NDUFS4: variants seen among roughly 807,000 people sequenced by gnomAD.
NDUFS4 encodes the protein NADH dehydrogenase [ubiquinone] iron-sulfur protein 4, mitochondrial.
NDUFS4 carries 28 observed loss-of-function variants against 24.3 expected under a neutral mutation model. That is an observed-to-expected ratio of 1.15 (90% CI 0.85 to 1.58). The LOEUF (loss-of-function observed/expected upper bound fraction) is 1.58. NDUFS4 is among the 40% of genes most tolerant of loss of function. The pLI is 0.00. For synonymous variants in NDUFS4, 93 were observed against 69.7 expected, an observed-to-expected ratio of 1.34 and a Z score of -1.67; for missense variants, 223 against 207.9, an observed-to-expected ratio of 1.07 and a Z score of -0.45.
At chr5:53,680,375 A>G (rs1311773810) in intron 4 of NDUFS4, among the ~76,000 whole-genome samples, 1 of 152,198 alleles carries the variant, frequency 6.6e-6, no homozygotes, top group African/African-American at 2.4e-5. Flanking sequence ...TCATGCTGCT[A>G]TAAAGACACA....
chr5:53,644,031 A>T (rs1031766101), intron 2 of NDUFS4, among the ~76,000 whole-genome samples: 2 of 152,208 alleles, frequency 1.3e-5, no homozygotes, highest in African/African-American at 2.4e-5. Flanking sequence ...AAGGTTTTCT[A>T]TATACTGTCC....
intron 3 of NDUFS4, among the ~76,000 whole-genome samples, chr5:53,654,772 C>A (rs931027550): frequency 7.2e-5 from 11 of 152,092 alleles, no homozygotes; most frequent in African/African-American, 2.7e-4. Context: ...TTCACCAATA[C>A]CTTTTATGCA....
intron 3 of NDUFS4, among the ~76,000 whole-genome samples, chr5:53,655,457 A>G (rs1478553184): frequency 1.4e-5 from 2 of 146,864 alleles, no homozygotes; most frequent in South Asian, 2.1e-4. Context: ...AGATTCATCC[A>G]TTCCATGCTA....
chr5:53,641,020 T>C (rs1295234719), intron 2 of NDUFS4, among the ~76,000 whole-genome samples: 1 of 152,128 alleles, frequency 6.6e-6, no homozygotes, highest in Non-Finnish European at 1.5e-5. Flanking sequence ...ATGTTTGTTA[T>C]TTTCTTGAGG....
chr5:53,589,115 C>T (rs986860517), intron 1 of NDUFS4, among the ~76,000 whole-genome samples: 1 of 152,120 alleles, frequency 6.6e-6, no homozygotes, highest in Non-Finnish European at 1.5e-5. Flanking sequence ...TTATTCTGCC[C>T]TTAAAGACCA....
intron 4 of NDUFS4, among the ~76,000 whole-genome samples, chr5:53,681,654 G>A (rs1341835257): frequency 6.6e-6 from 1 of 152,086 alleles, no homozygotes; most frequent in East Asian, 1.9e-4. Flanking sequence ...TGTTGAACAA[G>A]TAAATTAATA....
intron 2 of NDUFS4, among the ~76,000 whole-genome samples, chr5:53,639,381 A>T (rs1203937336): frequency 6.6e-6 from 1 of 151,896 alleles, no homozygotes; most frequent in African/African-American, 2.4e-5. Flanking sequence ...ATAGTGTATA[A>T]AAGCAATATT....
chr5:53,646,550 A>G, intron 3 of NDUFS4, 145 bp downstream of exon 3: 2 of 780,868 alleles, frequency 2.6e-6, no homozygotes, highest in Non-Finnish European at 4.2e-6. Flanking sequence ...GTGCTCAAAG[A>G]TACACATTAT....
At position 53,668,772 on chromosome 5, in the gene NDUFS4, A is replaced by G. The variant is rs1752589544; in HGVS notation, c.424+10148A>G. Among the ~76,000 whole-genome samples, 3 of 152,124 alleles carry G rather than the reference A, an allele frequency of 2.0e-5. No individual in the cohort carries two copies. The South Asian group carries it at 6.2e-4, about 32-fold the overall frequency. On this transcript the variant is annotated intron_variant, in intron 4 of 4. Coordinates refer to ENST00000296684, the MANE Select transcript of NDUFS4 (RefSeq NM_002495.4). Reference sequence around the variant, plus strand: ...CACTGCACCCAGCCTTACAAAACATATTTAATGCCCTCTAATTATATTTTG... The same window carrying G: ...CACTGCACCCAGCCTTACAAAACATGTTTAATGCCCTCTAATTATATTTTG...
At chr5:53,673,658 C>T (rs1156974872) in intron 4 of NDUFS4, among the ~76,000 whole-genome samples, 1 of 152,120 alleles carries the variant, frequency 6.6e-6, no homozygotes, top group Non-Finnish European at 1.5e-5. Context: ...CTTTAATAAA[C>T]AAAAACACAT....
intron 1 of NDUFS4, among the ~76,000 whole-genome samples, chr5:53,563,102 GCCTGTAGTC>G (rs1405692493): frequency 6.7e-6 from 1 of 148,982 alleles, no homozygotes; most frequent in Non-Finnish European, 1.5e-5. Flanking sequence ...GGCAGCGTGC[GCCTGTAGTC>G]CCAGCTACTC....
chr5:53,604,426 C>T (rs145416292), intron 2 of NDUFS4, among the ~76,000 whole-genome samples: 1,548 of 152,252 alleles, frequency 0.01, 20 homozygotes, highest in African/African-American at 0.035. Context: ...ACATCTTGTG[C>T]TGACTGGTTT....
chr5:53,678,527 C>T (rs1272504849), intron 4 of NDUFS4, among the ~76,000 whole-genome samples: 1 of 152,106 alleles, frequency 6.6e-6, no homozygotes, highest in Non-Finnish European at 1.5e-5. Context: ...GGCTGGTTTT[C>T]AGTACCCTAA....
intron 2 of NDUFS4, among the ~76,000 whole-genome samples, chr5:53,606,985 A>G (rs1026469426): frequency 6.6e-6 from 1 of 152,260 alleles, no homozygotes; most frequent in Non-Finnish European, 1.5e-5. Context: ...ACAAGAAAAA[A>G]GGAGGTATAC....
At chr5:53,677,526 C>A (rs1029162216) in intron 4 of NDUFS4, among the ~76,000 whole-genome samples, 1 of 152,084 alleles carries the variant, frequency 6.6e-6, no homozygotes, top group Non-Finnish European at 1.5e-5. Context: ...GTACCCCACC[C>A]CCATATTATG....
chr5:53,650,028 G>T lies in NDUFS4; in HGVS notation c.350+3623G>T, dbSNP rs140147803. On this transcript the variant is annotated intron_variant, in intron 3 of 4. Transcript: ENST00000296684. ...TATAGAGTCATTTTGTAAACCACAT[G>T]CTTCTAGAAGCTGAAGGAATTTATA... Among the ~76,000 whole-genome samples, 1,394 of 152,140 alleles carry T rather than the reference G, an allele frequency of 9.2e-3. 16 individuals carry two copies. Among genetic ancestry groups the T allele is most frequent in the African/African-American group, 0.032 (1,320 of 41,488 alleles).
intron 4 of NDUFS4, among the ~76,000 whole-genome samples, chr5:53,682,744 T>TGAG (rs1157900958): frequency 2.6e-5 from 4 of 152,000 alleles, no homozygotes; most frequent in Admixed American, 1.3e-4. Flanking sequence ...AGAATAATAG[T>TGAG]GAGTTGGTTA....
intron 1 of NDUFS4, among the ~76,000 whole-genome samples, chr5:53,561,747 C>A (rs1173903194): frequency 6.6e-6 from 1 of 151,912 alleles, no homozygotes; most frequent in African/African-American, 2.4e-5. Flanking sequence ...AAATGGAATG[C>A]AGAGAATTAG....
chr5:53,677,836 A>C (rs1177007826), intron 4 of NDUFS4, among the ~76,000 whole-genome samples: 1 of 152,208 alleles, frequency 6.6e-6, no homozygotes, highest in Non-Finnish European at 1.5e-5. Flanking sequence ...GGAGAGTAGG[A>C]AAAATCATTT....
Sources: gnomAD v4.1 joint callset for allele counts (sites outside exome capture counted in the v4.1 genomes callset) on GRCh38, gnomAD v4.1.1 for gene constraint, MANE v1.5 for transcripts, NCBI Gene and HGNC (gene_info 2026-07-23, HGNC 2026-07-21) for gene names.